The following HEMK2 variants were observed in gnomAD, a reference collection of about 807,000 sequenced individuals.
HEMK2 encodes the protein methyltransferase HEMK2.
chr21:28,878,360 C>A, the HEMK2 span: 3 of 1,611,166 alleles, frequency 1.9e-6, no homozygotes, highest in Non-Finnish European at 2.5e-6. Context: ...AGAATGTTTT[C>A]TTTTAACTCA....
the HEMK2 span, among the ~76,000 whole-genome samples, chr21:28,602,976 G>T: frequency 6.6e-6 from 1 of 152,102 alleles, no homozygotes; most frequent in Non-Finnish European, 1.5e-5. Flanking sequence ...CCTGACACTC[G>T]TCTTAGGACA....
chr21:28,746,104 A>G, the HEMK2 span, among the ~76,000 whole-genome samples: 1 of 152,226 alleles, frequency 6.6e-6, no homozygotes, highest in Non-Finnish European at 1.5e-5. Flanking sequence ...TATAATGTAG[A>G]CATGTGTAAG....
chr21:28,867,792 A>G, the HEMK2 span, among the ~76,000 whole-genome samples: 1 of 152,142 alleles, frequency 6.6e-6, no homozygotes, highest in Non-Finnish European at 1.5e-5. Context: ...CTTTTGACGA[A>G]CAAAACCCTT....
the HEMK2 span, among the ~76,000 whole-genome samples, chr21:28,778,489 A>G: frequency 6.6e-6 from 1 of 152,236 alleles, no homozygotes; most frequent in South Asian, 2.1e-4. Flanking sequence ...GGTTAGTTTT[A>G]TAAGTAAGAG....
the HEMK2 span, among the ~76,000 whole-genome samples, chr21:28,635,843 T>C: frequency 1.3e-5 from 2 of 152,190 alleles, no homozygotes; most frequent in Non-Finnish European, 2.9e-5. Flanking sequence ...CCCAGTATGC[T>C]AGGCCCTGGG....
At chr21:28,867,524 C>T in the HEMK2 span, among the ~76,000 whole-genome samples, 1 of 152,220 alleles carries the variant, frequency 6.6e-6, no homozygotes, top group African/African-American at 2.4e-5. Flanking sequence ...TGAGATTTTA[C>T]TCCACTTGCA....
chr21:28,690,935 A>T, the HEMK2 span, among the ~76,000 whole-genome samples: 8 of 152,104 alleles, frequency 5.3e-5, no homozygotes, highest in Admixed American at 5.2e-4. Context: ...TCACAGTGCA[A>T]TTCAGCAAGC....
At chr21:28,853,085 G>T in the HEMK2 span, among the ~76,000 whole-genome samples, 1 of 152,132 alleles carries the variant, frequency 6.6e-6, no homozygotes, top group Non-Finnish European at 1.5e-5. Flanking sequence ...AAGATGGCAG[G>T]TCCACCCTCA....
chr21:28,872,151 C>T, the HEMK2 span: 219 of 152,208 alleles, frequency 1.4e-3, 1 homozygote, highest in African/African-American at 4.9e-3. Context: ...TTTGGGTTAT[C>T]ACATGACCAG....
At chr21:28,884,332 T>A in the HEMK2 span, among the ~76,000 whole-genome samples, 1 of 152,210 alleles carries the variant, frequency 6.6e-6, no homozygotes, top group African/African-American at 2.4e-5. Context: ...ACTAGTTTAA[T>A]AAGAGCTGGG....
At chr21:28,710,796 T>C in the HEMK2 span, among the ~76,000 whole-genome samples, 18 of 152,242 alleles carry the variant, frequency 1.2e-4, no homozygotes, top group Non-Finnish European at 2.2e-4. Context: ...GCTTCATGTA[T>C]AGTATTTTTG....
chr21:28,867,088 A>C, the HEMK2 span, among the ~76,000 whole-genome samples: 1 of 152,212 alleles, frequency 6.6e-6, no homozygotes, highest in East Asian at 1.9e-4. Context: ...ATCTTTCTGG[A>C]AAACAATTTG....
chr21:28,838,973 ATATATATATATATATAT>A, the HEMK2 span, among the ~76,000 whole-genome samples: 1 of 22,518 alleles, frequency 4.4e-5, no homozygotes, highest in Non-Finnish European at 7.0e-5. Flanking sequence ...AAAAAAAAAA[ATATATATATATATATAT>A]ATATATATAT....
chr21:28,779,136 T>C, the HEMK2 span, among the ~76,000 whole-genome samples: 1 of 152,188 alleles, frequency 6.6e-6, no homozygotes, highest in South Asian at 2.1e-4. Context: ...TGGAAATCAG[T>C]ATGTTAAAGA....
At chr21:28,721,900 TCACA>T in the HEMK2 span, among the ~76,000 whole-genome samples, 568 of 127,334 alleles carry the variant, frequency 4.5e-3, 3 homozygotes, top group African/African-American at 9.7e-3. Context: ...TTCTTAACCA[TCACA>T]CACACACACA....
At chr21:28,628,685 C>T in the HEMK2 span, among the ~76,000 whole-genome samples, 6 of 152,194 alleles carry the variant, frequency 3.9e-5, no homozygotes, top group African/African-American at 1.2e-4. Context: ...AACTCCCAAC[C>T]TCAGGTGATT....
the HEMK2 span, among the ~76,000 whole-genome samples, chr21:28,881,489 A>G: frequency 6.6e-6 from 1 of 152,208 alleles, no homozygotes; most frequent in Non-Finnish European, 1.5e-5. Flanking sequence ...GAAATAAGAT[A>G]CAGATATGCA....
the HEMK2 span, among the ~76,000 whole-genome samples, chr21:28,597,093 C>T: frequency 6.6e-6 from 1 of 152,020 alleles, no homozygotes; most frequent in Non-Finnish European, 1.5e-5. Context: ...AAGAAACAGA[C>T]ATGCTAAATA....
the HEMK2 span, among the ~76,000 whole-genome samples, chr21:28,593,358 T>C: frequency 1.3e-5 from 2 of 152,192 alleles, no homozygotes; most frequent in African/African-American, 4.8e-5. Flanking sequence ...TCTCAAACAT[T>C]TCTGGTCCCA....
Sources: allele counts gnomAD v4.1 joint callset (sites outside exome capture counted in the v4.1 genomes callset), GRCh38; gene constraint gnomAD v4.1.1; transcripts MANE v1.5; gene names NCBI Gene and HGNC (gene_info 2026-07-23, HGNC 2026-07-21).